Variants in HIPK2 observed in about 807,000 individuals in gnomAD.
HIPK2 encodes homeodomain interacting protein kinase 2, also known as homeodomain-interacting protein kinase 2.
In HIPK2, 27 loss-of-function variants were observed where a neutral mutation model predicts 113.7. That is an observed-to-expected ratio of 0.24 (90% confidence interval 0.17 to 0.33). The LOEUF (loss-of-function observed/expected upper bound fraction) is 0.33, where lower values mean the gene tolerates loss of function less well. Among genes scored for constraint, HIPK2 ranks in the 10% least tolerant of loss-of-function variants. HIPK2 has a pLI of 1.00. For synonymous variants in HIPK2, 631 were observed against 642.2 expected (o/e 0.98, Z 0.26); for missense variants, 1,257 against 1,588.0 (o/e 0.79, Z 3.54).
At chr7:139,573,859 A>C (rs1798397932) in intron 14 of HIPK2, among the ~76,000 whole-genome samples, 1 of 152,002 alleles carries the variant, frequency 6.6e-6, no homozygotes, top group East Asian at 1.9e-4. Context: ...AAAAAAAAAA[A>C]AAAATTTACT....
At chr7:139,682,581 C>T (rs943438014) in intron 2 of HIPK2, among the ~76,000 whole-genome samples, 5 of 152,212 alleles carry the variant, frequency 3.3e-5, no homozygotes, top group Admixed American at 2.0e-4. Flanking sequence ...CTGTGCTTGA[C>T]TGCTCCTCAA....
chr7:139,768,312 G>A (rs1796586410), intron 1 of HIPK2, among the ~76,000 whole-genome samples: 1 of 152,192 alleles, frequency 6.6e-6, no homozygotes, highest in Non-Finnish European at 1.5e-5. Flanking sequence ...GGCAGGTGGG[G>A]AGTAGCCCCA....
In HIPK2 at chr7:139,565,279, A is replaced by ATTAG. The variant is rs1279178342; in HGVS notation, c.*7644_*7647dup. On this transcript the variant is annotated 3_prime_UTR_variant, in exon 15 of 15. Transcript: ENST00000406875. ...AAACCAACCAGGATCTCAAACTCCG[A>ATTAG]TTAGTTAGGTTTGCTTCCAATGGAG... 2.0e-5 allele frequency: 3 copies of ATTAG among 152,162 alleles called. No homozygotes were observed. Among genetic ancestry groups the ATTAG allele is most frequent in the Non-Finnish European group, 4.4e-5 (3 of 68,026 alleles). 9.4% of individuals were successfully genotyped at this position (152,162 alleles called of 1,614,324 possible).
rs1441353484 is a variant in HIPK2 at position 139,569,689 on chromosome 7, C to G, written c.*3238G>C. On this transcript the variant is annotated 3_prime_UTR_variant, in exon 15 of 15. Transcript: ENST00000406875. Reference sequence around the variant, plus strand: ...CTGTGGTGGATCTTTCTTGACGTCTCTTGTTGGGATAGAGATGACAGAAAC... The same window carrying G: ...CTGTGGTGGATCTTTCTTGACGTCTGTTGTTGGGATAGAGATGACAGAAAC... The G allele has an allele frequency of 6.6e-6, 1 of 151,442 alleles. No homozygotes were observed. Among genetic ancestry groups the G allele is most frequent in the African/African-American group, 2.4e-5 (1 of 41,230 alleles). 9.4% of individuals were successfully genotyped at this position (151,442 alleles called of 1,614,324 possible).
At chr7:139,583,612 A>T in intron 13 of HIPK2, 2 of 663,236 alleles carry the variant, frequency 3.0e-6, no homozygotes, top group Non-Finnish European at 5.0e-6. Context: ...TTACAGGATT[A>T]AAGAAGGAAA....
At chr7:139,612,892 T>G (rs1038857478) in intron 9 of HIPK2, among the ~76,000 whole-genome samples, 6 of 152,298 alleles carry the variant, frequency 3.9e-5, no homozygotes, top group African/African-American at 1.2e-4. Flanking sequence ...CTGACTTGCC[T>G]TAGGTCATAG....
intron 2 of HIPK2, among the ~76,000 whole-genome samples, chr7:139,649,232 G>A (rs79875435): frequency 1.6e-3 from 237 of 152,130 alleles, no homozygotes; most frequent in African/African-American, 5.5e-3. Context: ...ACCCTGACTC[G>A]GTGACCACTG....
intron 2 of HIPK2, among the ~76,000 whole-genome samples, chr7:139,704,618 C>T (rs1794835884): frequency 2.0e-5 from 3 of 152,142 alleles, no homozygotes; most frequent in South Asian, 2.1e-4. Flanking sequence ...ACACACCCAA[C>T]ACACACCCCA....
At chr7:139,623,019 G>A (rs923701432) in intron 6 of HIPK2, among the ~76,000 whole-genome samples, 6 of 152,182 alleles carry the variant, frequency 3.9e-5, no homozygotes, top group East Asian at 1.9e-4. Context: ...TGGTGCAGAC[G>A]GCTAAGAGGA....
chr7:139,672,479 T>C (rs2116647023), intron 2 of HIPK2, among the ~76,000 whole-genome samples: 1 of 152,316 alleles, frequency 6.6e-6, no homozygotes, highest in East Asian at 1.9e-4. Flanking sequence ...TAACTTTTTT[T>C]TTTGAGATGG....
chr7:139,738,752 T>C (rs73158616), intron 1 of HIPK2, among the ~76,000 whole-genome samples: 25,880 of 152,152 alleles, frequency 0.17, 2,235 homozygotes, highest in African/African-American at 0.2. Context: ...ACTATTTTTA[T>C]TTTTGCAATT....
intron 6 of HIPK2, among the ~76,000 whole-genome samples, chr7:139,621,393 G>A (rs546498974): frequency 6.6e-6 from 1 of 152,154 alleles, no homozygotes; most frequent in African/African-American, 2.4e-5. Context: ...ACATGAAATA[G>A]AAATTTTCTC....
chr7:139,594,753 C>T (rs994021425), intron 12 of HIPK2, among the ~76,000 whole-genome samples: 5 of 152,150 alleles, frequency 3.3e-5, no homozygotes, highest in South Asian at 2.1e-4. Flanking sequence ...CACATTTTCA[C>T]GACCCTGGCA....
At chr7:139,701,564 C>T (rs1373261141) in intron 2 of HIPK2, among the ~76,000 whole-genome samples, 1 of 152,144 alleles carries the variant, frequency 6.6e-6, no homozygotes, top group African/African-American at 2.4e-5. Context: ...TGTCTCATTA[C>T]CCTAGTCTAA....
At chr7:139,700,982 C>A (rs1420670429) in intron 2 of HIPK2, among the ~76,000 whole-genome samples, 5 of 152,216 alleles carry the variant, frequency 3.3e-5, no homozygotes, top group African/African-American at 1.2e-4. Flanking sequence ...AGAAACAGTT[C>A]GGAAAAATTT....
chr7:139,570,481 G>C lies in HIPK2; in HGVS notation c.*2446C>G, dbSNP rs1005606918. 4.6e-5 allele frequency: 7 copies of C among 152,260 alleles called. No individual in the cohort carries two copies. Among genetic ancestry groups the C allele is most frequent in the Non-Finnish European group, 7.3e-5 (5 of 68,070 alleles). The allele number at this position is 152,260 out of a possible 1,614,324, so 9.4% of individuals were successfully genotyped here. On this transcript the variant is annotated 3_prime_UTR_variant, in exon 15 of 15. Coordinates refer to ENST00000406875, the MANE Select transcript of HIPK2 (RefSeq NM_022740.5). The stretch of plus-strand genomic sequence containing the variant: ...ACAGCCTCCAGCAGGCACTTGGCAA[G>C]ACTGCCCGGCTGTGCCCAGCATGGA...
chr7:139,655,484 G>A (rs1309999094), intron 2 of HIPK2, among the ~76,000 whole-genome samples: 2 of 152,182 alleles, frequency 1.3e-5, no homozygotes, highest in Admixed American at 6.5e-5. Flanking sequence ...CAGCAACTCT[G>A]TCTTCCTCTG....
intron 5 of HIPK2, 45 bp from the exon 6 acceptor site, chr7:139,626,830 C>A (rs181650224): frequency 3.1e-6 from 5 of 1,603,218 alleles, no homozygotes; most frequent in Non-Finnish European, 4.3e-6. Flanking sequence ...CCCCAGCGTG[C>A]CTCCCCTCTC....
At chr7:139,590,260 T>C (rs534954624) in intron 12 of HIPK2, among the ~76,000 whole-genome samples, 1 of 152,324 alleles carries the variant, frequency 6.6e-6, no homozygotes, top group East Asian at 1.9e-4. Flanking sequence ...GAACATCACT[T>C]CTGAATAAAG....
Sources: allele counts gnomAD v4.1 joint callset (sites outside exome capture counted in the v4.1 genomes callset), GRCh38; gene constraint gnomAD v4.1.1; transcripts MANE v1.5; gene names NCBI Gene and HGNC (gene_info 2026-07-23, HGNC 2026-07-21).